Variants in CNTNAP2 observed in about 807,000 individuals in gnomAD.
The protein encoded by CNTNAP2 is contactin associated protein 2.
Under a neutral mutation model 155.2 loss-of-function variants are expected in CNTNAP2, and 98 were observed. The observed-to-expected ratio is 0.63, with a 90% CI of 0.54 to 0.75. The LOEUF is 0.75. Among genes scored for constraint, CNTNAP2 ranks in the 30% least tolerant of loss-of-function variants. The pLI is 0.00. For missense variants in CNTNAP2, 1,727 were observed against 1,688.1 expected (o/e 1.02, Z -0.40); for synonymous variants, 651 against 631.2 (o/e 1.03, Z -0.47).
At chr7:146,710,014 C>G (rs1402506027) in intron 1 of CNTNAP2, among the ~76,000 whole-genome samples, 1 of 152,112 alleles carries the variant, frequency 6.6e-6, no homozygotes, top group African/African-American at 2.4e-5. Flanking sequence ...GGTGGCAAGA[C>G]TAAGAAGTGA....
At position 147,981,916 on chromosome 7, in the gene CNTNAP2, G is replaced by A. The variant is rs537365184; in HGVS notation, c.2383+3927G>A. Among the ~76,000 whole-genome samples, 41 of 151,344 alleles carry A rather than the reference G, an allele frequency of 2.7e-4. 1 individual carries two copies. Among genetic ancestry groups the A allele is most frequent in the Non-Finnish European group, 5.3e-4 (36 of 67,892 alleles). On this transcript the variant is annotated intron_variant, in intron 15 of 23. Coordinates refer to ENST00000361727, the MANE Select transcript of CNTNAP2 (RefSeq NM_014141.6). ...AAGTATGAGTGGTGACGGATGGTTCGCTGAAATAAAAAGTGCTGTGAAAAT... is the reference window on the plus strand; with the variant it reads ...AAGTATGAGTGGTGACGGATGGTTCACTGAAATAAAAAGTGCTGTGAAAAT...
chr7:147,936,682 G>T (rs996753284), intron 14 of CNTNAP2, among the ~76,000 whole-genome samples: 2 of 151,980 alleles, frequency 1.3e-5, no homozygotes, highest in African/African-American at 4.8e-5. Flanking sequence ...CCTTGAAAGA[G>T]AATAAACAAC....
chr7:146,319,292 C>A, intron 1 of CNTNAP2, among the ~76,000 whole-genome samples: 1 of 152,022 alleles, frequency 6.6e-6, no homozygotes, highest in Non-Finnish European at 1.5e-5. Context: ...GTATATAGAT[C>A]CACAGCAATA....
At chr7:147,054,847 ATAGT>A (rs1256189467) in intron 4 of CNTNAP2, among the ~76,000 whole-genome samples, 3 of 152,154 alleles carry the variant, frequency 2.0e-5, no homozygotes, top group Non-Finnish European at 4.4e-5. Flanking sequence ...CAGATCTTTT[ATAGT>A]TAGACTTGAA....
chr7:146,153,706 C>G (rs1420834707), intron 1 of CNTNAP2, among the ~76,000 whole-genome samples: 1 of 152,134 alleles, frequency 6.6e-6, no homozygotes, highest in Non-Finnish European at 1.5e-5. Context: ...ATCTTTATTA[C>G]TTTGGAGACC....
At chr7:147,227,543 G>A (rs1803576259) in intron 8 of CNTNAP2, among the ~76,000 whole-genome samples, 1 of 152,174 alleles carries the variant, frequency 6.6e-6, no homozygotes, top group Non-Finnish European at 1.5e-5. Context: ...GAAGGAAGTG[G>A]TTGGACTCTG....
At position 148,417,132 on chromosome 7, in the gene CNTNAP2, A is replaced by G. The variant is rs1800012019; in HGVS notation, c.*1516A>G. 1.3e-5 allele frequency: 2 copies of G among 152,232 alleles called. No homozygotes were observed. The highest frequency in any genetic ancestry group is 2.9e-5 in the Non-Finnish European group (2 of 68,028). 9.4% of individuals were successfully genotyped at this position (152,232 alleles called of 1,614,324 possible). On this transcript the variant is annotated 3_prime_UTR_variant, in exon 24 of 24. Transcript: ENST00000361727. ...ATCCCACCATTCTGAGGAATTCAAT[A>G]TGATCACTTTTTCCTTCTTTGCCTG...
chr7:147,731,850 C>G (rs1796744990), intron 13 of CNTNAP2, among the ~76,000 whole-genome samples: 1 of 152,044 alleles, frequency 6.6e-6, no homozygotes, highest in Admixed American at 6.6e-5. Flanking sequence ...AAGTTGATTC[C>G]AACCCTTATG....
intron 4 of CNTNAP2, among the ~76,000 whole-genome samples, chr7:147,046,185 G>A (rs1190477203): frequency 2.6e-5 from 4 of 152,112 alleles, no homozygotes; most frequent in Non-Finnish European, 5.9e-5. Context: ...TTTAATCCCA[G>A]CAAAATAAGC....
chr7:147,428,440 T>G (rs2116523045), intron 10 of CNTNAP2, among the ~76,000 whole-genome samples: 1 of 152,292 alleles, frequency 6.6e-6, no homozygotes, highest in African/African-American at 2.4e-5. Flanking sequence ...TACTTCTCAT[T>G]TAATGATTAA....
intron 10 of CNTNAP2, among the ~76,000 whole-genome samples, chr7:147,399,241 T>C (rs1796873732): frequency 6.6e-6 from 1 of 152,116 alleles, no homozygotes; most frequent in Non-Finnish European, 1.5e-5. Flanking sequence ...TTTGAATGAA[T>C]ACAGGAGCCA....
chr7:146,681,653 GAAAAATAACT>G, intron 1 of CNTNAP2, among the ~76,000 whole-genome samples: 1 of 71,278 alleles, frequency 1.4e-5, no homozygotes, highest in Non-Finnish European at 3.8e-5. Flanking sequence ...AGAGGAATGG[GAAAAATAACT>G]AAAAGTAATT....
chr7:146,709,355 A>G (rs1162524768), intron 1 of CNTNAP2, among the ~76,000 whole-genome samples: 1 of 152,150 alleles, frequency 6.6e-6, no homozygotes, highest in East Asian at 1.9e-4. Flanking sequence ...CAGCACCACA[A>G]TCCATGCTAG....
chr7:148,287,916 G>A (rs10272539), intron 21 of CNTNAP2, among the ~76,000 whole-genome samples: 2 of 150,164 alleles, frequency 1.3e-5, no homozygotes, highest in Non-Finnish European at 3.0e-5. Context: ...TTCAGCCTCC[G>A]GAGTAGCTGG....
At chr7:147,376,305 G>A (rs1228715941) in intron 9 of CNTNAP2, among the ~76,000 whole-genome samples, 5 of 151,948 alleles carry the variant, frequency 3.3e-5, no homozygotes, top group Non-Finnish European at 5.9e-5. Context: ...AAGTATAACT[G>A]TGTGACAGGA....
At chr7:146,713,723 A>G (rs1453184645) in intron 1 of CNTNAP2, among the ~76,000 whole-genome samples, 1 of 152,148 alleles carries the variant, frequency 6.6e-6, no homozygotes, top group Non-Finnish European at 1.5e-5. Context: ...CTACATGTCA[A>G]GCACTGCCAA....
At chr7:147,924,774 G>C (rs957795002) in intron 14 of CNTNAP2, among the ~76,000 whole-genome samples, 1 of 152,050 alleles carries the variant, frequency 6.6e-6, no homozygotes, top group African/African-American at 2.4e-5. Context: ...GAGCCAAGCT[G>C]TACATAGAGT....
chr7:147,299,518 CTA>C (rs1397983192), intron 8 of CNTNAP2, among the ~76,000 whole-genome samples: 2 of 151,664 alleles, frequency 1.3e-5, no homozygotes, highest in African/African-American at 4.8e-5. Context: ...TTTTCCATGA[CTA>C]TTAGTGGTCA....
intron 11 of CNTNAP2, among the ~76,000 whole-genome samples, chr7:147,509,952 C>T (rs546673109): frequency 1.2e-4 from 19 of 152,016 alleles, no homozygotes; most frequent in African/African-American, 4.1e-4. Flanking sequence ...GCTTTGTTTC[C>T]TCTAAATCGG....
Sources: gnomAD v4.1 joint callset for allele counts (sites outside exome capture counted in the v4.1 genomes callset) on GRCh38, gnomAD v4.1.1 for gene constraint, MANE v1.5 for transcripts, NCBI Gene and HGNC (gene_info 2026-07-23, HGNC 2026-07-21) for gene names.